Variants in RBM19 observed in about 807,000 individuals in gnomAD.
The protein encoded by RBM19 is RNA binding motif protein 19.
Under a neutral mutation model 116.8 loss-of-function variants are expected in RBM19, and 94 were observed. That is an observed-to-expected ratio of 0.80 (90% CI 0.68 to 0.95). The LOEUF (loss-of-function observed/expected upper bound fraction) is 0.95. Among genes scored for constraint, RBM19 ranks in the 40% least tolerant of loss-of-function variants. The pLI is 0.00. For missense variants in RBM19, 1,161 were observed against 1,220.7 expected (o/e 0.95, Z 0.73); for synonymous variants, 475 against 494.1 (o/e 0.96, Z 0.51).
chr12:113,866,717 G>A (rs893634317), intron 21 of RBM19, among the ~76,000 whole-genome samples: 1 of 152,194 alleles, frequency 6.6e-6, no homozygotes, highest in Non-Finnish European at 1.5e-5. Flanking sequence ...AGGTGAGTGT[G>A]GGCCTGCTCA....
At chr12:113,911,377 A>G (rs1330588110) in intron 21 of RBM19, among the ~76,000 whole-genome samples, 2 of 152,168 alleles carry the variant, frequency 1.3e-5, no homozygotes, top group Non-Finnish European at 2.9e-5. Flanking sequence ...TCCTTTACAG[A>G]AGAAAAAACA....
chr12:113,831,667 G>A (rs773620141), intron 23 of RBM19, among the ~76,000 whole-genome samples: 2 of 152,232 alleles, frequency 1.3e-5, no homozygotes, highest in African/African-American at 2.4e-5. Flanking sequence ...AAATGTTTGC[G>A]GAACACAGAG....
At chr12:113,937,807 C>T (rs1181150615) in intron 15 of RBM19, among the ~76,000 whole-genome samples, 2 of 143,996 alleles carry the variant, frequency 1.4e-5, no homozygotes, top group Non-Finnish European at 3.1e-5. Context: ...GGGTGATAAA[C>T]AAGACACTGA....
Position 113,945,994 on chromosome 12 carries a change from A to C in RBM19, c.1530-70T>G, listed in dbSNP as rs893414733. ...GAGGGGAACTCGTTCTCAGACACGA[A>C]TCCTGTAAGAAATGGGCTCCTAGGC... is the stretch of plus-strand genomic sequence containing the variant. On this transcript the variant is annotated intron_variant, in intron 12 of 23. Transcript: ENST00000261741. The C allele has an allele frequency of 1.1e-5, 15 of 1,394,880 alleles. No homozygotes were observed. In the Middle Eastern group the frequency reaches 5.3e-4, roughly 49 times the overall value. The allele number at this position is 1,394,880 out of a possible 1,614,324, so 86.4% of individuals were successfully genotyped here.
chr12:113,933,202 A>T lies in RBM19; in HGVS notation c.2068+3805T>A, dbSNP rs567148069. On this transcript the variant is annotated intron_variant, in intron 16 of 23. Transcript: ENST00000261741. ...GGGGGTAAAATAAAAAAAAAAAGGTATGTCCACTCCCCTCCTACTCTTCTT... is the reference window on the plus strand; with the variant it reads ...GGGGGTAAAATAAAAAAAAAAAGGTTTGTCCACTCCCCTCCTACTCTTCTT... Among the ~76,000 whole-genome samples, 8 of 151,598 alleles carry T rather than the reference A, an allele frequency of 5.3e-5. No individual in the cohort carries two copies. In the South Asian group the frequency reaches 1.7e-3, roughly 32 times the overall value.
At chr12:113,827,934 A>AT (rs1422379137) in intron 23 of RBM19, among the ~76,000 whole-genome samples, 4 of 151,876 alleles carry the variant, frequency 2.6e-5, no homozygotes. Flanking sequence ...AAGAATGAAT[A>AT]TATGTATGTA....
At position 113,822,129 on chromosome 12, in the gene RBM19, C is replaced by T. The variant is rs1874458088; in HGVS notation, c.*1095G>A. The T allele has an allele frequency of 6.6e-6, 1 of 152,250 alleles. No individual in the cohort carries two copies. The highest frequency in any genetic ancestry group is 2.4e-5 in the African/African-American group (1 of 41,472). The allele number at this position is 152,250 out of a possible 1,614,324, so 9.4% of individuals were successfully genotyped here. ...TGGCACTGTCTATCTGAGGTAGGCA[C>T]AATTATCACCCCCATTTCCTAGAGA... On this transcript the variant is annotated 3_prime_UTR_variant, in exon 24 of 24. Transcript: ENST00000261741.
At chr12:113,945,051 A>G (rs532425518) in intron 13 of RBM19, among the ~76,000 whole-genome samples, 1 of 152,304 alleles carries the variant, frequency 6.6e-6, no homozygotes, top group Non-Finnish European at 1.5e-5. Context: ...TACAACATGA[A>G]GACTAGAGTT....
rs1565964453 is a variant in RBM19 at position 113,836,826 on chromosome 12, A to ACCCCCCCCCC, written c.2785+7841_2785+7842insGGGGGGGGGG. Among the ~76,000 whole-genome samples the ACCCCCCCCCC allele has an allele frequency of 1.3e-3, 109 of 84,416 alleles. 2 individuals carry two copies. The highest frequency in any genetic ancestry group is 4.5e-3 in the African/African-American group (106 of 23,590). 55.4% of individuals were successfully genotyped at this position (84,416 alleles called of 152,430 possible). On this transcript the variant is annotated intron_variant, in intron 23 of 23. Transcript: ENST00000261741. Reference sequence around the variant, plus strand: ...CTGTCCTCCTACTTACTACATACATACACACACACACACACACGTGTCCCA... The same window carrying ACCCCCCCCCC: ...CTGTCCTCCTACTTACTACATACATACCCCCCCCCCCACACACACACACACACGTGTCCCA...
At chr12:113,913,198 A>G (rs1882555483) in intron 21 of RBM19, among the ~76,000 whole-genome samples, 2 of 152,178 alleles carry the variant, frequency 1.3e-5, no homozygotes, top group African/African-American at 4.8e-5. Flanking sequence ...TCAGCGGGAT[A>G]TTATTTCCCG....
At chr12:113,957,692 A>G in intron 6 of RBM19, 90 bp downstream of exon 6, 1 of 1,475,868 alleles carries the variant, frequency 6.8e-7, no homozygotes, top group Non-Finnish European at 9.0e-7. Context: ...TTTCCCCAAC[A>G]TTCCGCTCTC....
chr12:113,845,311 C>A (rs533675852), intron 22 of RBM19, among the ~76,000 whole-genome samples: 1 of 152,120 alleles, frequency 6.6e-6, no homozygotes, highest in African/African-American at 2.4e-5. Context: ...CTGGTTCCCC[C>A]AGCCCTGCGC....
Position 113,822,915 on chromosome 12 carries a change from T to G in RBM19, c.*309A>C. 3.4e-6 allele frequency: 1 copy of G among 292,478 alleles called. No homozygotes were observed. The highest frequency in any genetic ancestry group is 6.4e-6 in the Non-Finnish European group (1 of 155,792). The allele number at this position is 292,478 out of a possible 1,614,324, so 18.1% of individuals were successfully genotyped here. Reference sequence around the variant, plus strand: ...GGGGAGCAGGGGTTCTAGCTCCCTGTGTAGCTGTTCCCAAGTCTCTCTTCC... The same window carrying G: ...GGGGAGCAGGGGTTCTAGCTCCCTGGGTAGCTGTTCCCAAGTCTCTCTTCC... On this transcript the variant is annotated 3_prime_UTR_variant, in exon 24 of 24. Transcript: ENST00000261741.
In RBM19 at chr12:113,937,052, T is replaced by C. The variant is rs749232898; in HGVS notation, c.2023A>G (p.Thr675Ala). 4 of 1,613,978 alleles carry C rather than the reference T, an allele frequency of 2.5e-6. No individual in the cohort carries two copies. In the African/African-American group the frequency reaches 4.0e-5, roughly 16 times the overall value. ...TCCTTTTCCATGGGTTCTGAAGGTG[T>C]GTCTTGGAGCTTTTTCTTCTGTGGG... ...TAPQKKKLQD[T>A]PSEPMEKDPA... Residue 675 changes from threonine to alanine, a missense_variant, in exon 16 of 24, where the codon ACA becomes GCA. Thr to Ala is a moderately conservative substitution (Grantham distance 58). Coordinates refer to ENST00000261741, the MANE Select transcript of RBM19 (RefSeq NM_016196.4).
intron 16 of RBM19, chr12:113,936,725 G>A (rs1043018881): frequency 7.3e-6 from 2 of 275,350 alleles, no homozygotes; most frequent in African/African-American, 4.5e-5. Context: ...GAAACAGGAA[G>A]GTTGTTTATA....
intron 2 of RBM19, 107 bp downstream of exon 2, chr12:113,962,125 G>C: frequency 7.5e-7 from 1 of 1,338,814 alleles, no homozygotes. Flanking sequence ...GAAAACCAAA[G>C]ACATCACAAA....
chr12:113,914,865 G>A lies in RBM19; in HGVS notation c.2558+104C>T, dbSNP rs374155713. The stretch of plus-strand genomic sequence containing the variant: ...ATGACCTTTGAAAGACCACTGTGCC[G>A]GCCTGCAACGGAACCATCCAGGACC... On this transcript the variant is annotated intron_variant, in intron 21 of 23. Transcript: ENST00000261741. The A allele has an allele frequency of 2.1e-3, 2,026 of 960,868 alleles. 38 individuals carry two copies. The South Asian group carries it at 0.026, about 12-fold the overall frequency. The allele number at this position is 960,868 out of a possible 1,614,324, so 59.5% of individuals were successfully genotyped here. A position where few individuals can be genotyped will look rare whatever the true frequency, so the allele number is the denominator to read the frequency against.
At chr12:113,932,161 G>A (rs1443997965) in intron 16 of RBM19, among the ~76,000 whole-genome samples, 2 of 152,124 alleles carry the variant, frequency 1.3e-5, no homozygotes, top group Non-Finnish European at 2.9e-5. Context: ...GTCATATCCC[G>A]GCTCTCTCCA....
chr12:113,900,569 G>C (rs1431379191), intron 21 of RBM19, among the ~76,000 whole-genome samples: 1 of 152,178 alleles, frequency 6.6e-6, no homozygotes, highest in Non-Finnish European at 1.5e-5. Context: ...GTAATCGCCG[G>C]AGGTCAAGCA....
Sources: allele counts gnomAD v4.1 joint callset (sites outside exome capture counted in the v4.1 genomes callset), GRCh38; gene constraint gnomAD v4.1.1; transcripts MANE v1.5; gene names NCBI Gene and HGNC (gene_info 2026-07-23, HGNC 2026-07-21).